The following RNF216 variants were observed in gnomAD, a reference collection of about 807,000 sequenced individuals.
RNF216 encodes the protein E3 ubiquitin-protein ligase RNF216.
In RNF216, 72 loss-of-function variants were observed where a neutral mutation model predicts 110.8. The observed-to-expected ratio is 0.65, with a 90% CI of 0.54 to 0.79. The LOEUF (loss-of-function observed/expected upper bound fraction) is 0.79, where lower values mean the gene tolerates loss of function less well. Ranked by LOEUF, RNF216 falls within the 30% of genes least tolerant of loss-of-function variation. The pLI is 0.00. For missense variants in RNF216, 1,342 were observed against 1,141.2 expected (o/e 1.18, Z -2.54); for synonymous variants, 495 against 407.5 (o/e 1.21, Z -2.59).
intron 13 of RNF216, among the ~76,000 whole-genome samples, chr7:5,698,713 G>C (rs1049185139): frequency 6.6e-6 from 1 of 152,268 alleles, no homozygotes; most frequent in African/African-American, 2.4e-5. Context: ...TTCATAGGTA[G>C]TTTAAGTCTG....
intron 13 of RNF216, among the ~76,000 whole-genome samples, chr7:5,659,754 A>G (rs1449453635): frequency 6.6e-6 from 1 of 152,188 alleles, no homozygotes; most frequent in African/African-American, 2.4e-5. Flanking sequence ...GTCCTCCATA[A>G]ATAAGGGCAC....
intron 1 of RNF216, among the ~76,000 whole-genome samples, chr7:5,769,242 C>T (rs745365465): frequency 1.7e-4 from 25 of 151,480 alleles, no homozygotes; most frequent in Non-Finnish European, 2.4e-4. Context: ...CTCAGCCTCC[C>T]GAGTAGCTGG....
At chr7:5,729,674 A>G in intron 6 of RNF216, 78 bp from the exon 7 acceptor site, 2 of 1,190,544 alleles carry the variant, frequency 1.7e-6, no homozygotes, top group Non-Finnish European at 2.4e-6. Context: ...TAAGAATTAC[A>G]TGTGTAGAAA....
chr7:5,740,820 G>C (rs1030829759), intron 4 of RNF216, among the ~76,000 whole-genome samples, 153 bp downstream of exon 4: 1 of 151,226 alleles, frequency 6.6e-6, no homozygotes, highest in African/African-American at 2.4e-5. Flanking sequence ...CATGTCTTCA[G>C]AGTGTCTCTT....
intron 1 of RNF216, among the ~76,000 whole-genome samples, chr7:5,777,881 A>C (rs1404531955): frequency 6.6e-6 from 1 of 152,222 alleles, no homozygotes; most frequent in Non-Finnish European, 1.5e-5. Context: ...ATAAAACATC[A>C]AGATTTTCTT....
At chr7:5,633,265 C>CT (rs1787189336) in intron 15 of RNF216, among the ~76,000 whole-genome samples, 1 of 151,978 alleles carries the variant, frequency 6.6e-6, no homozygotes, top group African/African-American at 2.4e-5. Context: ...GTGTGAGCCA[C>CT]TGCGCCCAGC....
At chr7:5,700,648 C>G (rs1301384107) in intron 13 of RNF216, among the ~76,000 whole-genome samples, 1 of 152,130 alleles carries the variant, frequency 6.6e-6, no homozygotes, top group Admixed American at 6.5e-5. Context: ...TAATTAAGTA[C>G]CCATAGAAAC....
At chr7:5,630,943 T>C (rs1382127884) in intron 15 of RNF216, among the ~76,000 whole-genome samples, 1 of 152,158 alleles carries the variant, frequency 6.6e-6, no homozygotes, top group African/African-American at 2.4e-5. Context: ...GGTTTCTGAA[T>C]CGGAACTTCT....
chr7:5,720,671 T>TTG (rs1227857509), intron 9 of RNF216, among the ~76,000 whole-genome samples: 1 of 152,006 alleles, frequency 6.6e-6, no homozygotes, highest in East Asian at 1.9e-4. Context: ...GGGTCACACT[T>TTG]TGAGAGCCAC....
rs530825798 is a variant in RNF216 at position 5,702,943 on chromosome 7, G to A, written c.2061+8818C>T. On this transcript the variant is annotated intron_variant, in intron 13 of 16. Transcript: ENST00000389902. ...GTCTATTTTGTAGGGCTGCTGTGGG[G>A]ACCAATATGAGCTGAGAGCTCTGCC... 5.3e-5 allele frequency among the ~76,000 whole-genome samples: 8 copies of A among 152,268 alleles called. No homozygotes were observed. In the South Asian group the frequency reaches 1.2e-3, roughly 24 times the overall value.
intron 13 of RNF216, among the ~76,000 whole-genome samples, chr7:5,661,119 T>G (rs1385980206): frequency 2.0e-5 from 3 of 152,056 alleles, no homozygotes; most frequent in Non-Finnish European, 4.4e-5. Flanking sequence ...TTTGTATTTT[T>G]AGTAAAGACA....
At chr7:5,710,887 A>G (rs1050142575) in intron 13 of RNF216, among the ~76,000 whole-genome samples, 1 of 152,262 alleles carries the variant, frequency 6.6e-6, no homozygotes, top group South Asian at 2.1e-4. Flanking sequence ...GCAAGATGCC[A>G]GCGACTGTTG....
chr7:5,651,373 C>T (rs955919377), intron 14 of RNF216, among the ~76,000 whole-genome samples: 2 of 151,648 alleles, frequency 1.3e-5, no homozygotes, highest in African/African-American at 4.9e-5. Flanking sequence ...ACTACAGGTG[C>T]GTGCCCACCA....
intron 9 of RNF216, among the ~76,000 whole-genome samples, chr7:5,719,176 T>A (rs1459967251): frequency 6.6e-6 from 1 of 152,010 alleles, no homozygotes; most frequent in East Asian, 1.9e-4. Context: ...AGGCCAGAAG[T>A]TCGAGACCAG....
At chr7:5,720,006 A>C (rs1793316118) in intron 9 of RNF216, among the ~76,000 whole-genome samples, 1 of 152,246 alleles carries the variant, frequency 6.6e-6, no homozygotes, top group South Asian at 2.1e-4. Flanking sequence ...GCTTTATCAA[A>C]GACATTTTCA....
intron 1 of RNF216, among the ~76,000 whole-genome samples, chr7:5,776,263 A>G (rs750215318): frequency 6.6e-6 from 1 of 152,048 alleles, no homozygotes; most frequent in Non-Finnish European, 1.5e-5. Context: ...GAGTCCCATC[A>G]ATCAGAGAAT....
At chr7:5,630,645 C>T (rs1283204731) in intron 15 of RNF216, among the ~76,000 whole-genome samples, 5 of 152,112 alleles carry the variant, frequency 3.3e-5, no homozygotes, top group Non-Finnish European at 2.9e-5. Context: ...CTCCCACCTC[C>T]GCCTCCCAAA....
intron 13 of RNF216, among the ~76,000 whole-genome samples, chr7:5,665,562 C>G (rs899294479): frequency 2.0e-5 from 3 of 151,928 alleles, no homozygotes; most frequent in Non-Finnish European, 1.5e-5. Flanking sequence ...AATGCTGCCC[C>G]CTAGGGATGG....
Position 5,622,883 on chromosome 7 carries a change from G to C in RNF216, c.2749C>G (p.Pro917Ala). 1 of 1,605,194 alleles carries C rather than the reference G, an allele frequency of 6.2e-7. No homozygotes were observed. Among genetic ancestry groups the C allele is most frequent in the Non-Finnish European group, 8.5e-7 (1 of 1,173,446 alleles). Residue 917 changes from proline (P) to alanine (A), a missense_variant, in exon 17 of 17, where the codon CCC becomes GCC. Pro to Ala is a conservative substitution (Grantham distance 27, BLOSUM62 -1). Coordinates refer to ENST00000389902, the MANE Select transcript of RNF216 (RefSeq NM_207111.4). ...CATCAGAAGCGATGCCGCGGCTGGG[G>C]GCCAAAGTGCATGGGCAGGTTGTGC... ...LEHNLPMHFG[P>A]QPRHRF
Sources: allele counts gnomAD v4.1 joint callset (sites outside exome capture counted in the v4.1 genomes callset), GRCh38; gene constraint gnomAD v4.1.1; transcripts MANE v1.5; gene names NCBI Gene and HGNC (gene_info 2026-07-23, HGNC 2026-07-21).